Variants in UBE2D4 observed in about 807,000 individuals in gnomAD.
The protein encoded by UBE2D4 is ubiquitin conjugating enzyme E2 D4, also known as ubiquitin-conjugating enzyme E2 D4.
In UBE2D4, 17 loss-of-function variants were observed where a neutral mutation model predicts 23.0. The observed-to-expected ratio is 0.74, with a 90% CI of 0.51 to 1.11. UBE2D4 has a LOEUF of 1.11. Among genes scored for constraint, UBE2D4 ranks in the 50% least tolerant of loss-of-function variants. The pLI is 0.00. For synonymous variants in UBE2D4, 61 were observed against 69.4 expected (o/e 0.88, Z 0.60); for missense variants, 139 against 181.8 (o/e 0.76, Z 1.35).
Position 43,955,301 on chromosome 7 carries a change from C to T in UBE2D4, c.*2606C>T, listed in dbSNP as rs144918742. On this transcript the variant is annotated 3_prime_UTR_variant, in exon 7 of 7. Transcript: ENST00000222402. Reference sequence around the variant, plus strand: ...CAACTGTGGAGTAATGTGTTTTTTTCTCTGTGGACAAGAGTGATCAGAAAG... The same window carrying T: ...CAACTGTGGAGTAATGTGTTTTTTTTTCTGTGGACAAGAGTGATCAGAAAG... 197 of 152,148 alleles carry T rather than the reference C, an allele frequency of 1.3e-3. 1 individual carries two copies. Among genetic ancestry groups the T allele is most frequent in the African/African-American group, 4.7e-3 (193 of 41,504 alleles). The allele number at this position is 152,148 out of a possible 1,614,324, so 9.4% of individuals were successfully genotyped here.
chr7:43,936,025 A>ACCAAGC (rs2095957567), intron 1 of UBE2D4, among the ~76,000 whole-genome samples: 1 of 152,178 alleles, frequency 6.6e-6, no homozygotes. Flanking sequence ...GGCACATGCC[A>ACCAAGC]CCAAGCCCAG....
At chr7:43,933,187 A>C (rs1056410338) in intron 1 of UBE2D4, among the ~76,000 whole-genome samples, 1 of 150,966 alleles carries the variant, frequency 6.6e-6, no homozygotes, top group Non-Finnish European at 1.5e-5. Context: ...CTACCTATTC[A>C]TGTAATTGTA....
intron 1 of UBE2D4, among the ~76,000 whole-genome samples, chr7:43,932,922 T>A (rs369948677): frequency 7.2e-6 from 1 of 139,324 alleles, no homozygotes. Flanking sequence ...TAAAGTGGGG[T>A]CACTTTTTCT....
chr7:43,953,001 CCCTGCACGTCTCT>C lies in UBE2D4; in HGVS notation c.*310_*322del. ...TCTGCTGGTCTCTTGGGGGGCCAGG[CCCTGCACGTCTCT>C]CCTACCCGGCCTCAAATGGTGCTGC... On this transcript the variant is annotated 3_prime_UTR_variant, in exon 7 of 7. Coordinates refer to ENST00000222402, the MANE Select transcript of UBE2D4 (RefSeq NM_015983.4). The C allele has an allele frequency of 4.9e-6, 2 of 404,128 alleles. No individual in the cohort carries two copies. Among genetic ancestry groups the C allele is most frequent in the Middle Eastern group, 4.6e-4 (1 of 2,186 alleles). The allele number at this position is 404,128 out of a possible 1,614,324, so 25.0% of individuals were successfully genotyped here. A position where few individuals can be genotyped will look rare whatever the true frequency, so the allele number is the denominator to read the frequency against.
intron 1 of UBE2D4, among the ~76,000 whole-genome samples, chr7:43,928,421 CT>C (rs11296219): frequency 0.14 from 20,047 of 146,308 alleles, 1,375 homozygotes; most frequent in Admixed American, 0.19. Flanking sequence ...GAGTATGACT[CT>C]TTTTTTTTTT....
intron 6 of UBE2D4, chr7:43,952,314 G>A (rs895259285): frequency 1.5e-5 from 4 of 272,824 alleles, no homozygotes; most frequent in African/African-American, 8.7e-5. Context: ...ACTGACCTTT[G>A]TGTGTCTCTT....
At position 43,944,283 on chromosome 7, in the gene UBE2D4, C is replaced by T. The variant is rs1241332292; in HGVS notation, c.198+1252C>T. On this transcript the variant is annotated intron_variant, in intron 4 of 6. Transcript: ENST00000222402. The surrounding 1 kb of genome is among the most constrained non-coding windows in gnomAD (Gnocchi z 4.0). Reference sequence around the variant, plus strand: ...ATGTTGGCCAAGCTGGTCTCGAACTCCTGGCCTTAGGTGATCCACCCACCT... The same window carrying T: ...ATGTTGGCCAAGCTGGTCTCGAACTTCTGGCCTTAGGTGATCCACCCACCT... The T allele has an allele frequency of 6.6e-6, 1 of 152,194 alleles. No individual in the cohort carries two copies. Among genetic ancestry groups the T allele is most frequent in the African/African-American group, 2.4e-5 (1 of 41,442 alleles). The allele number at this position is 152,194 out of a possible 1,614,324, so 9.4% of individuals were successfully genotyped here. A position where few individuals can be genotyped will look rare whatever the true frequency, so the allele number is the denominator to read the frequency against.
intron 6 of UBE2D4, chr7:43,952,143 G>C (rs1038383057): frequency 1.3e-5 from 2 of 157,518 alleles, no homozygotes; most frequent in African/African-American, 4.8e-5. Flanking sequence ...TTCCCCACAA[G>C]CACACAAGGC....
At chr7:43,930,993 A>G (rs1334101129) in intron 1 of UBE2D4, among the ~76,000 whole-genome samples, 3 of 151,922 alleles carry the variant, frequency 2.0e-5, no homozygotes, top group Non-Finnish European at 4.4e-5. Context: ...GTATGGTGGC[A>G]TGTGCCTGTA....
intron 1 of UBE2D4, among the ~76,000 whole-genome samples, chr7:43,936,465 C>T (rs2095958996): frequency 1.3e-5 from 2 of 151,980 alleles, no homozygotes; most frequent in South Asian, 4.2e-4. Context: ...TAAACTTAAT[C>T]TACTTAATCC....
At chr7:43,943,139 G>C in intron 4 of UBE2D4, 108 bp downstream of exon 4, 4 of 1,082,390 alleles carry the variant, frequency 3.7e-6, no homozygotes, top group Non-Finnish European at 5.7e-6. Flanking sequence ...GGGTTTCTCT[G>C]AGGGCCCACT....
rs2096010038 is a variant in UBE2D4, at chr7:43,954,719, G to A, written c.*2024G>A. 6.6e-6 allele frequency: 1 copy of A among 152,214 alleles called. No individual in the cohort carries two copies. The highest frequency in any genetic ancestry group is 2.1e-4 in the South Asian group (1 of 4,828). The allele number at this position is 152,214 out of a possible 1,614,324, so 9.4% of individuals were successfully genotyped here. A position where few individuals can be genotyped will look rare whatever the true frequency, so the allele number is the denominator to read the frequency against. On this transcript the variant is annotated 3_prime_UTR_variant, in exon 7 of 7. Coordinates refer to ENST00000222402, the MANE Select transcript of UBE2D4 (RefSeq NM_015983.4). ...CTCTACTGAGCAGCAGTGCCATCTG[G>A]TGCCTGAGATCATGTGCTTCAGGCA...
At chr7:43,926,737 T>A (rs1006145376) in intron 1 of UBE2D4, among the ~76,000 whole-genome samples, 181 bp downstream of exon 1, 1 of 151,498 alleles carries the variant, frequency 6.6e-6, no homozygotes, top group African/African-American at 2.4e-5. Flanking sequence ...GAGAAAGGGA[T>A]TGCGCGAGCG....
chr7:43,949,218 G>A (rs956683262), intron 5 of UBE2D4: 1 of 179,156 alleles, frequency 5.6e-6, no homozygotes, highest in African/African-American at 2.4e-5. Flanking sequence ...TGAAGTTGAA[G>A]AAACCAGTCT....
chr7:43,936,462 A>G (rs2095958988), intron 1 of UBE2D4, among the ~76,000 whole-genome samples: 1 of 152,082 alleles, frequency 6.6e-6, no homozygotes, highest in Non-Finnish European at 1.5e-5. Flanking sequence ...ATATAAACTT[A>G]ATCTACTTAA....
intron 4 of UBE2D4, chr7:43,943,385 GC>G: frequency 5.5e-6 from 2 of 363,042 alleles, no homozygotes; most frequent in South Asian, 4.1e-5. Context: ...TTTTGCTACT[GC>G]CCCAGGGACA....
At chr7:43,929,762 AG>A (rs1228607195) in intron 1 of UBE2D4, among the ~76,000 whole-genome samples, 5 of 152,226 alleles carry the variant, frequency 3.3e-5, no homozygotes, top group African/African-American at 1.2e-4. Context: ...ATCGAACTTG[AG>A]ACCCTACATT....
rs1340458201 is a variant in UBE2D4, at chr7:43,933,013, T to TATATATATATATACAC, written c.25-5417_25-5416insTATATATATATACACA. 1.1e-3 allele frequency among the ~76,000 whole-genome samples: 129 copies of TATATATATATATACAC among 116,636 alleles called. 3 individuals are homozygous for TATATATATATATACAC. Among genetic ancestry groups the TATATATATATATACAC allele is most frequent in the African/African-American group, 2.2e-3 (66 of 29,508 alleles). The allele number at this position is 116,636 out of a possible 152,430, so 76.5% of individuals were successfully genotyped here. A position where few individuals can be genotyped will look rare whatever the true frequency, so the allele number is the denominator to read the frequency against. On this transcript the variant is annotated intron_variant, in intron 1 of 6. Transcript: ENST00000222402. ...ATATATATATATATATATATATATA[T>TATATATATATATACAC]ACACACACATATATATACACATATG...
rs576900313 is a variant in UBE2D4, at chr7:43,939,330, G to C, written c.88+836G>C. Reference sequence around the variant, plus strand: ...AGCAGCTCTGGGCAGCTTCTTGGGAGAGAGAGGGAGAAGCAGCACTGCCTG... The same window carrying C: ...AGCAGCTCTGGGCAGCTTCTTGGGACAGAGAGGGAGAAGCAGCACTGCCTG... On this transcript the variant is annotated intron_variant, in intron 2 of 6. Coordinates refer to ENST00000222402, the MANE Select transcript of UBE2D4 (RefSeq NM_015983.4). Among the ~76,000 whole-genome samples the C allele has an allele frequency of 2.6e-5, 4 of 152,384 alleles. No homozygotes were observed. The East Asian group carries it at 7.7e-4, about 29-fold the overall frequency.
Sources: gnomAD v4.1 joint callset for allele counts (sites outside exome capture counted in the v4.1 genomes callset) on GRCh38, gnomAD v4.1.1 for gene constraint, Gnocchi (gnomAD v3.1) non-coding constraint, MANE v1.5 for transcripts, NCBI Gene and HGNC (gene_info 2026-07-23, HGNC 2026-07-21) for gene names.